DLC1: variants seen among roughly 807,000 people sequenced by gnomAD.
DLC1 encodes the protein DLC1 Rho GTPase activating protein, also known as rho GTPase-activating protein 7.
In DLC1, 54 loss-of-function variants were observed where a neutral mutation model predicts 140.3. The observed-to-expected ratio is 0.38, with a 90% CI of 0.31 to 0.48. DLC1 has a LOEUF of 0.48. Among genes scored for constraint, DLC1 ranks in the 20% least tolerant of loss-of-function variants. The probability of loss-of-function intolerance (pLI) is 0.96; values close to 1 mark genes in which losing one functional copy is unlikely to be tolerated. For synonymous variants in DLC1, 986 were observed against 728.1 expected, an observed-to-expected ratio of 1.35 and a Z score of -5.70; for missense variants, 2,536 against 1,907.0, an observed-to-expected ratio of 1.33 and a Z score of -6.14.
At chr8:13,229,576 T>G (rs183211695) in intron 5 of DLC1, among the ~76,000 whole-genome samples, 1 of 152,042 alleles carries the variant, frequency 6.6e-6, no homozygotes, top group East Asian at 1.9e-4. Context: ...GGTGAACTTT[T>G]TAGTATATAA....
intron 4 of DLC1, among the ~76,000 whole-genome samples, chr8:13,380,883 A>G (rs1267946646): frequency 6.6e-6 from 1 of 152,200 alleles, no homozygotes; most frequent in East Asian, 1.9e-4. Context: ...TCAAGAATTG[A>G]GATTCTTGCA....
At chr8:13,146,356 T>C (rs1314779132) in intron 5 of DLC1, among the ~76,000 whole-genome samples, 2 of 150,788 alleles carry the variant, frequency 1.3e-5, no homozygotes, top group African/African-American at 2.4e-5. Flanking sequence ...AAAAGGACTC[T>C]TTTTTTTTAA....
chr8:13,353,079 T>C (rs1440443155), intron 4 of DLC1, among the ~76,000 whole-genome samples: 1 of 152,150 alleles, frequency 6.6e-6, no homozygotes, highest in African/African-American at 2.4e-5. Context: ...GCTTCCTTAG[T>C]TTTTCTTAGT....
chr8:13,084,761 T>C lies in DLC1; in HGVS notation c.*1050A>G, dbSNP rs1451745740. 6 of 152,172 alleles carry C rather than the reference T, an allele frequency of 3.9e-5. No individual in the cohort carries two copies. The highest frequency in any genetic ancestry group is 1.4e-4 in the African/African-American group (6 of 41,438). The allele number at this position is 152,172 out of a possible 1,614,324, so 9.4% of individuals were successfully genotyped here. A position where few individuals can be genotyped will look rare whatever the true frequency, so the allele number is the denominator to read the frequency against. On this transcript the variant is annotated 3_prime_UTR_variant, in exon 18 of 18. Transcript: ENST00000276297. ...CAACCAAAGGCGGGGAAAAAGCCTT[T>C]TGTAGGTGAGTTAAATTTACAGGGA...
At chr8:13,280,306 A>G (rs992203854) in intron 5 of DLC1, among the ~76,000 whole-genome samples, 9 of 151,130 alleles carry the variant, frequency 6.0e-5, no homozygotes, top group South Asian at 4.2e-4. Context: ...AAAAAAAAAA[A>G]AAAAGAAAAA....
At chr8:13,219,977 C>T (rs753843078) in intron 5 of DLC1, among the ~76,000 whole-genome samples, 2 of 152,038 alleles carry the variant, frequency 1.3e-5, no homozygotes, top group Non-Finnish European at 2.9e-5. Flanking sequence ...TAGATAAATC[C>T]GTAGACACAG....
intron 1 of DLC1, among the ~76,000 whole-genome samples, chr8:13,602,678 T>C (rs1805928230): frequency 6.6e-6 from 1 of 151,898 alleles, no homozygotes. Context: ...CTCAGAATTT[T>C]TATGTATCTT....
chr8:13,093,464 G>A (rs938139307), intron 12 of DLC1, among the ~76,000 whole-genome samples: 1 of 152,094 alleles, frequency 6.6e-6, no homozygotes, highest in Admixed American at 6.5e-5. Context: ...ATGCTCGAGA[G>A]GCTATAAAAA....
chr8:13,537,430 T>A (rs1257917741), intron 1 of DLC1, among the ~76,000 whole-genome samples: 1 of 152,174 alleles, frequency 6.6e-6, no homozygotes, highest in Non-Finnish European at 1.5e-5. Context: ...ATGTCTGAAA[T>A]GCAGCTGAGA....
At chr8:13,098,068 G>C (rs1015814589) in intron 10 of DLC1, among the ~76,000 whole-genome samples, 1 of 149,936 alleles carries the variant, frequency 6.7e-6, no homozygotes, top group Non-Finnish European at 1.5e-5. Flanking sequence ...AGCTAGCCGG[G>C]TGTGGTGGAA....
intron 5 of DLC1, among the ~76,000 whole-genome samples, chr8:13,160,557 C>G (rs928109857): frequency 1.3e-5 from 2 of 152,166 alleles, no homozygotes; most frequent in East Asian, 1.9e-4. Flanking sequence ...CGAGCAAGGG[C>G]CTTAGGAATC....
intron 5 of DLC1, among the ~76,000 whole-genome samples, chr8:13,297,497 G>A (rs1832009753): frequency 1.3e-5 from 2 of 151,894 alleles, no homozygotes; most frequent in African/African-American, 4.8e-5. Flanking sequence ...AGAAAGATAA[G>A]ACTCTACATT....
At chr8:13,463,046 A>G (rs1420702434) in intron 2 of DLC1, among the ~76,000 whole-genome samples, 1 of 152,010 alleles carries the variant, frequency 6.6e-6, no homozygotes, top group Non-Finnish European at 1.5e-5. Flanking sequence ...TATATTGACT[A>G]TCCAACATAG....
rs79631476 is a variant in DLC1 at position 13,413,592 on chromosome 8, C to T, written c.1024-11973G>A. On this transcript the variant is annotated intron_variant, in intron 2 of 17. Transcript: ENST00000276297. ...GTGCCCCACCCAAATCTCATCTCCC[C>T]AGGTGTTGAGGGAGGGACCTGTTGG... 1.0e-3 allele frequency among the ~76,000 whole-genome samples: 155 copies of T among 152,048 alleles called. 1 individual carries two copies. The highest frequency in any genetic ancestry group is 3.2e-3 in the African/African-American group (134 of 41,488).
intron 5 of DLC1, among the ~76,000 whole-genome samples, chr8:13,199,946 T>C (rs945736313): frequency 6.6e-6 from 1 of 152,218 alleles, no homozygotes; most frequent in African/African-American, 2.4e-5. Context: ...TCTAATGGCC[T>C]GCATGTATTA....
At chr8:13,221,201 T>G (rs1348641740) in intron 5 of DLC1, among the ~76,000 whole-genome samples, 1 of 152,038 alleles carries the variant, frequency 6.6e-6, no homozygotes, top group African/African-American at 2.4e-5. Flanking sequence ...CCGCATTCTT[T>G]CCATGGGGGA....
intron 16 of DLC1, 141 bp from the exon 17 acceptor site, chr8:13,086,604 G>T: frequency 2.3e-6 from 2 of 872,950 alleles, no homozygotes; most frequent in Non-Finnish European, 3.5e-6. Context: ...CTAGGTAAAT[G>T]GCATCCTCTA....
intron 1 of DLC1, among the ~76,000 whole-genome samples, chr8:13,565,246 C>A (rs550894527): frequency 1.3e-3 from 195 of 152,148 alleles, no homozygotes; most frequent in African/African-American, 4.5e-3. Context: ...ATTTAAGACA[C>A]GATTATAAAA....
At chr8:13,308,560 C>T (rs543464669) in intron 4 of DLC1, among the ~76,000 whole-genome samples, 43 of 152,258 alleles carry the variant, frequency 2.8e-4, no homozygotes, top group Non-Finnish European at 4.7e-4. Context: ...AATGCTGACA[C>T]TTGCTCTACC....
Sources: allele counts gnomAD v4.1 joint callset (sites outside exome capture counted in the v4.1 genomes callset), GRCh38; gene constraint gnomAD v4.1.1; transcripts MANE v1.5; gene names NCBI Gene and HGNC (gene_info 2026-07-23, HGNC 2026-07-21).